MAST4: variants seen among roughly 807,000 people sequenced by gnomAD.
MAST4 encodes microtubule associated serine/threonine kinase family member 4.
Under a neutral mutation model 162.7 loss-of-function variants are expected in MAST4, and 89 were observed. The observed-to-expected ratio is 0.55, with a 90% confidence interval of 0.46 to 0.65. The LOEUF is 0.65. Among genes scored for constraint, MAST4 ranks in the 30% least tolerant of loss-of-function variants. The pLI is 0.00. For missense variants in MAST4, 3,153 were observed against 3,374.0 expected, an observed-to-expected ratio of 0.93 and a Z score of 1.62; for synonymous variants, 1,479 against 1,361.1, an observed-to-expected ratio of 1.09 and a Z score of -1.91.
At chr5:67,129,765 T>G (rs1768725565) in intron 14 of MAST4, among the ~76,000 whole-genome samples, 1 of 152,044 alleles carries the variant, frequency 6.6e-6, no homozygotes, top group Non-Finnish European at 1.5e-5. Flanking sequence ...AATTATTGCT[T>G]TAGTTGGTTG....
At chr5:66,787,237 A>G (rs1284626728) in intron 2 of MAST4, among the ~76,000 whole-genome samples, 4 of 152,218 alleles carry the variant, frequency 2.6e-5, no homozygotes, top group African/African-American at 9.6e-5. Flanking sequence ...CCCATTTTAG[A>G]GATGGAAAAA....
chr5:66,739,407 C>T (rs577508440), intron 1 of MAST4, among the ~76,000 whole-genome samples: 1 of 152,172 alleles, frequency 6.6e-6, no homozygotes, highest in South Asian at 2.1e-4. Flanking sequence ...CACTGGTTTG[C>T]CTTAATCACA....
At chr5:66,995,255 C>A (rs1033774599) in intron 4 of MAST4, among the ~76,000 whole-genome samples, 1 of 152,146 alleles carries the variant, frequency 6.6e-6, no homozygotes, top group African/African-American at 2.4e-5. Flanking sequence ...AAATATCAAT[C>A]AAATTTTATT....
At position 67,164,805 on chromosome 5, in the gene MAST4, T is replaced by C. The variant is rs1581784756; in HGVS notation, c.5626T>C (p.Phe1876Leu). 1 of 1,613,960 alleles carries C rather than the reference T, an allele frequency of 6.2e-7. No individual in the cohort carries two copies. Among genetic ancestry groups the C allele is most frequent in the African/African-American group, 1.3e-5 (1 of 75,030 alleles). Residue 1876 changes from phenylalanine (F) to leucine (L), a missense_variant, in exon 29 of 29, where the codon TTC (phenylalanine) becomes CTC (leucine). Transcript: ENST00000403625. The surrounding 1 kb of genome is among the most constrained non-coding windows in gnomAD (Gnocchi z 5.3). ...TAAATCCTACCTGCTGGAGCCTTGGTTCCTGCCCCCCAGCCGAGGTCTCCA... is the reference window on the plus strand; with the variant it reads ...TAAATCCTACCTGCTGGAGCCTTGGCTCCTGCCCCCCAGCCGAGGTCTCCA... Reference protein sequence around the residue: ...MNKSYLLEPWFLPPSRGLQNS... With the variant: ...MNKSYLLEPWLLPPSRGLQNS...
At chr5:66,895,235 C>T (rs1310043003) in intron 3 of MAST4, among the ~76,000 whole-genome samples, 3 of 152,140 alleles carry the variant, frequency 2.0e-5, no homozygotes, top group South Asian at 2.1e-4. Flanking sequence ...GGTATAGCAA[C>T]AGGTCAGTTA....
intron 3 of MAST4, among the ~76,000 whole-genome samples, chr5:66,852,734 C>T (rs1239619497): frequency 2.6e-5 from 4 of 152,086 alleles, no homozygotes; most frequent in Middle Eastern, 3.2e-3. Context: ...TGCAAGTTCT[C>T]GGAGCTCCAT....
chr5:67,035,004 C>T (rs1489382399), intron 4 of MAST4, among the ~76,000 whole-genome samples: 2 of 152,154 alleles, frequency 1.3e-5, no homozygotes, highest in African/African-American at 2.4e-5. Flanking sequence ...CCTGCATTCA[C>T]TTTCAAATCT....
intron 18 of MAST4, 22 bp downstream of exon 18, chr5:67,134,710 C>T: frequency 6.3e-7 from 1 of 1,589,454 alleles, no homozygotes; most frequent in South Asian, 1.1e-5. Flanking sequence ...CAGGAGTTAT[C>T]TTTAGGTCAC....
chr5:67,081,059 A>G (rs1175038994), intron 5 of MAST4, among the ~76,000 whole-genome samples: 1 of 117,364 alleles, frequency 8.5e-6, no homozygotes, highest in Non-Finnish European at 1.6e-5. Context: ...TATATATTAT[A>G]TAATATAATA....
intron 4 of MAST4, among the ~76,000 whole-genome samples, chr5:66,906,520 C>T (rs13180221): frequency 0.033 from 4,990 of 152,148 alleles, 153 homozygotes; most frequent in African/African-American, 0.076. Flanking sequence ...CCCCTCTGAC[C>T]GCAAAGGGGA....
chr5:66,614,911 G>A (rs1315916675), intron 1 of MAST4, among the ~76,000 whole-genome samples: 2 of 152,122 alleles, frequency 1.3e-5, no homozygotes, highest in African/African-American at 4.8e-5. Flanking sequence ...TTTGTTTGGG[G>A]GTGGGGCACA....
Position 66,596,702 on chromosome 5 carries a change from G to A in MAST4, c.47G>A (p.Cys16Tyr). 6 of 1,468,220 alleles carry A rather than the reference G, an allele frequency of 4.1e-6. No individual in the cohort carries two copies. The highest frequency in any genetic ancestry group is 1.4e-5 in the South Asian group (1 of 71,260). 90.9% of individuals were successfully genotyped at this position (1,468,220 alleles called of 1,614,324 possible). Residue 16 changes from cysteine to tyrosine, a missense_variant, in exon 1 of 29, where the codon TGC (cysteine) becomes TAC (tyrosine). By Grantham distance (194) the Cys-to-Tyr change is radical (BLOSUM62 -2). This residue lies in a region of MAST4 where 327 missense variants were observed against 336.5 expected (regional missense o/e 0.97). Transcript: ENST00000403625. ...GCGCCAGAGCCGGTGCCCCGCGGCT[G>A]CAGTGGCCACGGCAGCCGGACTCCA... ...SEAPEPVPRG[C>Y]SGHGSRTPAS...
intron 1 of MAST4, among the ~76,000 whole-genome samples, chr5:66,734,316 T>A (rs1423817190): frequency 6.6e-6 from 1 of 152,150 alleles, no homozygotes; most frequent in Non-Finnish European, 1.5e-5. Context: ...ATACTGTTAT[T>A]GGCTGGCAAG....
At chr5:67,118,634 C>T in intron 12 of MAST4, 48 bp from the exon 13 acceptor site, 1 of 1,115,644 alleles carries the variant, frequency 9.0e-7, no homozygotes, top group Non-Finnish European at 1.3e-6. Context: ...TATTCTTATC[C>T]AATTGCAATA....
intron 3 of MAST4, among the ~76,000 whole-genome samples, chr5:66,886,145 A>G (rs985668888): frequency 1.3e-5 from 2 of 152,166 alleles, no homozygotes; most frequent in African/African-American, 4.8e-5. Flanking sequence ...CATGTACCTG[A>G]AGCTCTGCCA....
intron 9 of MAST4, among the ~76,000 whole-genome samples, chr5:67,103,146 C>G (rs1765213949): frequency 6.6e-6 from 1 of 152,174 alleles, no homozygotes; most frequent in East Asian, 1.9e-4. Flanking sequence ...GGTAAAGGAA[C>G]ATGAATTGAG....
chr5:66,814,832 G>C (rs1176355253), intron 3 of MAST4, among the ~76,000 whole-genome samples: 1 of 139,674 alleles, frequency 7.2e-6, no homozygotes, highest in Non-Finnish European at 1.6e-5. Context: ...AAAGCTTTAT[G>C]ATGCATCCTA....
In MAST4 at chr5:66,922,457, G is replaced by A. The variant is rs542984064; in HGVS notation, c.674+22475G>A. Among the ~76,000 whole-genome samples, 22 of 152,264 alleles carry A rather than the reference G, an allele frequency of 1.4e-4. No individual in the cohort carries two copies. In the East Asian group the frequency reaches 4.2e-3, roughly 29 times the overall value. On this transcript the variant is annotated intron_variant, in intron 4 of 28. Transcript: ENST00000403625. ...ATGTCAAAGGACTATCTTTTAAAGC[G>A]ACACATTGAATTTGGTCCCTAGTTA...
Position 67,104,412 on chromosome 5 carries a change from A to T in MAST4, c.1193A>T (p.Tyr398Phe). 6.2e-7 allele frequency: 1 copy of T among 1,613,716 alleles called. No individual in the cohort carries two copies. The change falls in exon 10 of 29, where the codon TAC (tyrosine) becomes TTC (phenylalanine). Residue 398 changes from tyrosine (Y) to phenylalanine (F), a missense_variant. Physicochemically the swap from Tyr to Phe is conservative, Grantham distance 22. Coordinates refer to ENST00000403625, the MANE Select transcript of MAST4 (RefSeq NM_001164664.2). ...CGTCTAAAGGAAATTATCACCAGCT[A>T]CTCTCCTGACAACGTTCTACCCTTA... ...EERLKEIITS[Y>F]SPDNVLPLAD... is the part of the protein sequence containing the mutation.
Sources: allele counts gnomAD v4.1 joint callset (sites outside exome capture counted in the v4.1 genomes callset), GRCh38; gene constraint gnomAD v4.1.1; regional missense constraint gnomAD v4.1.1; non-coding constraint Gnocchi (gnomAD v3.1); transcripts MANE v1.5; gene names NCBI Gene and HGNC (gene_info 2026-07-23, HGNC 2026-07-21).